EIF2S3B: variants seen among roughly 807,000 people sequenced by gnomAD.
The protein encoded by EIF2S3B is eukaryotic translation initiation factor 2 subunit 3B.
EIF2S3B carries 16 observed loss-of-function variants against 26.4 expected under a neutral mutation model. That is an observed-to-expected ratio of 0.61 (90% CI 0.41 to 0.92). The LOEUF (loss-of-function observed/expected upper bound fraction) is 0.92. Among genes scored for constraint, EIF2S3B ranks in the 40% least tolerant of loss-of-function variants. EIF2S3B has a pLI of 0.00. For synonymous variants in EIF2S3B, 183 were observed against 204.4 expected (o/e 0.90, Z 0.89); for missense variants, 510 against 575.5 (o/e 0.89, Z 1.16).
chr12:10,506,325 G>C lies in EIF2S3B; in HGVS notation c.423G>C (p.Leu141Phe), dbSNP rs1426731461. The C allele has an allele frequency of 6.2e-7, 1 of 1,614,106 alleles. No homozygotes were observed. Among genetic ancestry groups the C allele is most frequent in the South Asian group, 1.1e-5 (1 of 91,070 alleles). Reference protein sequence around the residue: ...SFVDCPGHDILMATMLNGAAV... With the variant: ...SFVDCPGHDIFMATMLNGAAV... ...TTGACTGTCCTGGCCACGATATTTTGATGGCTACTATGCTGAACGGTGCAG... is the reference window on the plus strand; with the variant it reads ...TTGACTGTCCTGGCCACGATATTTTCATGGCTACTATGCTGAACGGTGCAG... The change falls in exon 1 of 1, where the codon TTG (leucine) becomes TTC (phenylalanine). Residue 141 changes from leucine to phenylalanine, a missense_variant. By Grantham distance (22) the Leu-to-Phe change is conservative. Transcript: ENST00000538173.
intron 1 of EIF2S3B, among the ~76,000 whole-genome samples, chr12:10,516,001 T>A (rs1173961510): frequency 1.3e-5 from 2 of 150,174 alleles, no homozygotes; most frequent in South Asian, 4.2e-4. Context: ...AACATATTTT[T>A]AAATTTTATT....
At position 10,508,352 on chromosome 12, in the gene EIF2S3B, T is replaced by C. The variant is rs1302694771; in HGVS notation, c.*1031T>C. Among the ~76,000 whole-genome samples, 1 of 152,060 alleles carries C rather than the reference T, an allele frequency of 6.6e-6. No individual in the cohort carries two copies. Among genetic ancestry groups the C allele is most frequent in the Non-Finnish European group, 1.5e-5 (1 of 68,008 alleles). On this transcript the variant is annotated 3_prime_UTR_variant, in exon 1 of 1. Coordinates refer to ENST00000538173, the MANE Select transcript of EIF2S3B (RefSeq NM_001357734.3). ...TTGTTTTATGCCTGAAATCCAATAG[T>C]CTTCCTCCATTGGAAAATACTGTTA...
chr12:10,512,650 A>G, downstream of EIF2S3B, among the ~76,000 whole-genome samples: 1 of 152,024 alleles, frequency 6.6e-6, no homozygotes, highest in Non-Finnish European at 1.5e-5. Context: ...CTCAGAAAAA[A>G]AATTTATCTT....
chr12:10,516,662 T>C (rs1864760912), intron 1 of EIF2S3B, among the ~76,000 whole-genome samples: 1 of 151,718 alleles, frequency 6.6e-6, no homozygotes, highest in African/African-American at 2.4e-5. Flanking sequence ...ATAGGAGTGG[T>C]GAGAGAGGGC....
At chr12:10,518,584 C>G (rs563675016) in intron 1 of EIF2S3B, among the ~76,000 whole-genome samples, 1 of 152,170 alleles carries the variant, frequency 6.6e-6, no homozygotes, top group East Asian at 1.9e-4. Context: ...TTAATTGGAG[C>G]ATTTAGCCCA....
chr12:10,514,045 G>T (rs78144070), intron 1 of EIF2S3B, among the ~76,000 whole-genome samples: 4,707 of 151,934 alleles, frequency 0.031, 218 homozygotes, highest in African/African-American at 0.1. Context: ...AGAAGAAGAA[G>T]AATCATGTAG....
Position 10,506,779 on chromosome 12 carries a change from G to C in EIF2S3B, c.877G>C (p.Glu293Gln). Residue 293 changes from glutamate to glutamine, a missense_variant, in exon 1 of 1, where the codon GAG becomes CAG. Transcript: ENST00000538173. ...AAAAGGAGTATTAAAGGTGGGCCAG[G>C]AGACAGAAGTAAGACCTGGTATTGT... The part of the protein sequence containing the change: ...ILKGVLKVGQ[E>Q]TEVRPGIVSK... 1 of 1,613,906 alleles carries C rather than the reference G, an allele frequency of 6.2e-7. No homozygotes were observed. The highest frequency in any genetic ancestry group is 8.5e-7 in the Non-Finnish European group (1 of 1,179,768).
At chr12:10,514,770 A>G (rs1193921159) in intron 1 of EIF2S3B, among the ~76,000 whole-genome samples, 1 of 152,162 alleles carries the variant, frequency 6.6e-6, no homozygotes, top group Non-Finnish European at 1.5e-5. Flanking sequence ...AATATTTCTC[A>G]TATAGGTTTC....
chr12:10,508,408 T>A lies in EIF2S3B; in HGVS notation c.*1087T>A, dbSNP rs1281019606. ...AATAATTCTAGATGAGTAACAAAGA[T>A]CCTTCTAGGCCTTCATTTTATGTTT... On this transcript the variant is annotated 3_prime_UTR_variant, in exon 1 of 1. Coordinates refer to ENST00000538173, the MANE Select transcript of EIF2S3B (RefSeq NM_001357734.3). 6.6e-6 allele frequency among the ~76,000 whole-genome samples: 1 copy of A among 151,364 alleles called. No individual in the cohort carries two copies. The highest frequency in any genetic ancestry group is 1.5e-5 in the Non-Finnish European group (1 of 67,924).
chr12:10,508,176 T>G lies in EIF2S3B; in HGVS notation c.*855T>G, dbSNP rs367771343. On this transcript the variant is annotated 3_prime_UTR_variant, in exon 1 of 1. Transcript: ENST00000538173. ...GAATTGCATGAAAAGGATGCACGAA[T>G]GGGTTCGAATGAAATTGTCCTTTAG... 6.6e-6 allele frequency among the ~76,000 whole-genome samples: 1 copy of G among 152,160 alleles called. No homozygotes were observed.
downstream of EIF2S3B, among the ~76,000 whole-genome samples, chr12:10,511,625 G>T: frequency 6.6e-6 from 1 of 151,934 alleles, no homozygotes; most frequent in Non-Finnish European, 1.5e-5. Context: ...TAAAACAAAA[G>T]ATATAAACTG....
At chr12:10,522,710 C>G (rs1197937541) in exon 2 of EIF2S3B, 1 of 684,060 alleles carries the variant, frequency 1.5e-6, no homozygotes, top group Non-Finnish European at 2.7e-6. Flanking sequence ...TCATTTCTTT[C>G]TTTAAAGAAA....
intron 1 of EIF2S3B, among the ~76,000 whole-genome samples, chr12:10,514,050 A>G (rs764580990): frequency 6.4e-4 from 98 of 152,064 alleles, no homozygotes; most frequent in Admixed American, 5.9e-4. Flanking sequence ...AAGAAGAATC[A>G]TGTAGCTCTC....
chr12:10,512,595 T>A (rs555323957), downstream of EIF2S3B, among the ~76,000 whole-genome samples: 2 of 152,184 alleles, frequency 1.3e-5, no homozygotes, highest in African/African-American at 2.4e-5. Context: ...TTCCCTCATC[T>A]TCTTGCTTGT....
At chr12:10,511,467 T>C (rs1036268237), downstream of EIF2S3B, among the ~76,000 whole-genome samples, 8 of 152,080 alleles carry the variant, frequency 5.3e-5, no homozygotes, top group Non-Finnish European at 1.2e-4. Flanking sequence ...TTTACTGAAA[T>C]TCTAAAGAAC....
chr12:10,520,714 C>T (rs1312123410), intron 1 of EIF2S3B, among the ~76,000 whole-genome samples: 1 of 152,116 alleles, frequency 6.6e-6, no homozygotes, highest in African/African-American at 2.4e-5. Flanking sequence ...GTGCATGTCA[C>T]TCTCTCCTCA....
downstream of EIF2S3B, among the ~76,000 whole-genome samples, chr12:10,510,362 A>G (rs1456877611): frequency 1.3e-5 from 2 of 152,154 alleles, no homozygotes; most frequent in African/African-American, 4.8e-5. Context: ...CTCATAAAGC[A>G]CTTACTCGGG....
intron 1 of EIF2S3B, among the ~76,000 whole-genome samples, chr12:10,515,886 T>C (rs1012767752): frequency 2.0e-5 from 3 of 151,100 alleles, no homozygotes; most frequent in Non-Finnish European, 4.4e-5. Context: ...ATATACATAC[T>C]ACATACATAC....
chr12:10,507,286 G>C lies in EIF2S3B; in HGVS notation c.1384G>C (p.Gly462Arg). 6.2e-7 allele frequency: 1 copy of C among 1,613,474 alleles called. No individual in the cohort carries two copies. Among genetic ancestry groups the C allele is most frequent in the African/African-American group, 1.3e-5 (1 of 75,000 alleles). The change falls in exon 1 of 1, where the codon GGA becomes CGA. Residue 462 changes from glycine (G) to arginine (R), a missense_variant. By Grantham distance (125) the Gly-to-Arg change is moderately radical. Transcript: ENST00000538173. Reference protein sequence around the residue: ...RLIGWGQIRRGVTIKPTVDDD With the variant: ...RLIGWGQIRRRVTIKPTVDDD ...AATTGGTTGGGGTCAGATAAGAAGA[G>C]GAGTGACAATCAAGCCAACAGTAGA...
Sources: gnomAD v4.1 joint callset for allele counts (sites outside exome capture counted in the v4.1 genomes callset) on GRCh38, gnomAD v4.1.1 for gene constraint, MANE v1.5 for transcripts, NCBI Gene and HGNC (gene_info 2026-07-23, HGNC 2026-07-21) for gene names.